Variants in MYBPC3 observed in about 807,000 individuals in gnomAD.
The protein encoded by MYBPC3 is myosin-binding protein C, cardiac-type.
A neutral mutation model predicts 159.3 loss-of-function variants in MYBPC3; 108 were observed. The ratio of observed to expected loss-of-function variants is 0.68; its 90% CI spans 0.58 to 0.80. The LOEUF (loss-of-function observed/expected upper bound fraction) is 0.80. Ranked by LOEUF, MYBPC3 falls within the 30% of genes least tolerant of loss-of-function variation. MYBPC3 has a pLI of 0.00. For missense variants in MYBPC3, 1,631 were observed against 1,762.1 expected, an observed-to-expected ratio of 0.93 and a Z score of 1.33; for synonymous variants, 730 against 702.0, an observed-to-expected ratio of 1.04 and a Z score of -0.63.
At chr11:47,341,451 A>G (rs994091638) in intron 18 of MYBPC3, among the ~76,000 whole-genome samples, 7 of 152,126 alleles carry the variant, frequency 4.6e-5, no homozygotes, top group Admixed American at 2.6e-4. Flanking sequence ...AGTGATTTCT[A>G]CATCAAAGCA....
At position 47,346,265 on chromosome 11, in the gene MYBPC3, G is replaced by A. The variant is rs1351784136; in HGVS notation, c.1032C>T (p.Asp344=). ...TGAGCCTCTTTAGCATGCCGCGCAG[G>A]TCAGTGACGCCGTACTGGAAGGCGA... The part of the protein sequence containing the change: ...ERIAFQYGVT[D]LRGMLKRLKG... Residue 344 remains aspartate, a synonymous_variant, in exon 12 of 35, where the codon GAC becomes GAT. Transcript: ENST00000545968. The surrounding 1 kb of genome is among the most constrained non-coding windows in gnomAD (Gnocchi z 5.3). 1 of 1,613,860 alleles carries A rather than the reference G, an allele frequency of 6.2e-7. No individual in the cohort carries two copies. The highest frequency in any genetic ancestry group is 1.1e-5 in the South Asian group (1 of 91,068).
In MYBPC3 at chr11:47,340,987, G is replaced by A. The variant is rs1057521019; in HGVS notation, c.1927+16C>T. 6.4e-7 allele frequency: 1 copy of A among 1,551,948 alleles called. No homozygotes were observed. Among genetic ancestry groups the A allele is most frequent in the Non-Finnish European group, 8.7e-7 (1 of 1,150,412 alleles). ...GAAAGTGAGCAGAACCAAGACTCAG[G>A]GGCCCCAAGACTTACCCTGCCTGGG... On this transcript the variant is annotated intron_variant, in intron 20 of 34. Transcript: ENST00000545968.
In MYBPC3 at chr11:47,333,315, T is replaced by C. The variant is rs1595841598; in HGVS notation, c.3209A>G (p.Gln1070Arg). The C allele has an allele frequency of 2.5e-6, 4 of 1,583,908 alleles. No individual in the cohort carries two copies. Among genetic ancestry groups the C allele is most frequent in the South Asian group, 1.1e-5 (1 of 87,114 alleles). Residue 1070 changes from glutamine (Q) to arginine (R), a missense_variant, in exon 30 of 35, where the codon CAG (glutamine) becomes CGG (arginine). Physicochemically the swap from Gln to Arg is conservative, Grantham distance 43. Transcript: ENST00000545968. The part of the protein sequence containing the change: ...LQVVDKPSPP[Q>R]DLRVTDAWGL... Reference sequence around the variant, plus strand: ...CCAGGCGTCAGTCACCCGGAGATCCTGGGGAGGACTTGGCTTGTCTGCGGG... The same window carrying C: ...CCAGGCGTCAGTCACCCGGAGATCCCGGGGAGGACTTGGCTTGTCTGCGGG...
Position 47,346,743 on chromosome 11 carries a change from C to G in MYBPC3, c.909-99G>C. 2 of 1,324,070 alleles carry G rather than the reference C, an allele frequency of 1.5e-6. No homozygotes were observed. The allele number at this position is 1,324,070 out of a possible 1,614,324, so 82.0% of individuals were successfully genotyped here. ...GGACCCCACCCATGGGCCTTTACTT[C>G]CTCCCTATTTTCCGCACTTGCACTC... On this transcript the variant is annotated intron_variant, in intron 10 of 34. Coordinates refer to ENST00000545968, the MANE Select transcript of MYBPC3 (RefSeq NM_000256.3). The surrounding 1 kb of genome is among the most constrained non-coding windows in gnomAD (Gnocchi z 5.3).
chr11:47,337,360 CG>C, intron 25 of MYBPC3, 30 bp downstream of exon 25: 3 of 1,455,236 alleles, frequency 2.1e-6, no homozygotes, highest in South Asian at 2.5e-5. Flanking sequence ...GGGGAGGGGG[CG>C]GGGGGCAGGA....
chr11:47,342,943 G>C lies in MYBPC3; in HGVS notation c.1352-8C>G. On this transcript the variant is annotated splice_region_variant and splice_polypyrimidine_tract_variant and intron_variant, in intron 15 of 34. Coordinates refer to ENST00000545968, the MANE Select transcript of MYBPC3 (RefSeq NM_000256.3). The stretch of plus-strand genomic sequence containing the variant: ...TGATGAGCACAGGGGGCTCTGTCCA[G>C]GCAGGGTGAGCATGAGGGTTGGCTC... 1 of 1,611,314 alleles carries C rather than the reference G, an allele frequency of 6.2e-7. No homozygotes were observed. The highest frequency in any genetic ancestry group is 1.1e-5 in the South Asian group (1 of 90,638).
rs371301665 is a variant in MYBPC3 at position 47,333,227 on chromosome 11, C to A, written c.3297G>T (p.Gly1099=). The part of the protein sequence containing the change: ...PQDVGNTELW[G]YTVQKADKKT... ...TCTTGTCGGCTTTCTGCACTGTGTA[C>A]CCCCAGAGCTCCGTGTTGCCGACAT... The change falls in exon 30 of 35, where the codon GGG becomes GGT. Residue 1099 remains glycine, a synonymous_variant. Transcript: ENST00000545968. 1.3e-6 allele frequency: 2 copies of A among 1,596,500 alleles called. No individual in the cohort carries two copies. The highest frequency in any genetic ancestry group is 8.5e-7 in the Non-Finnish European group (1 of 1,171,280).
At position 47,339,745 on chromosome 11, in the gene MYBPC3, G is replaced by A. The variant is rs766213616; in HGVS notation, c.1973C>T (p.Thr658Ile). The change falls in exon 21 of 35, where the codon ACC (threonine) becomes ATC (isoleucine). Residue 658 changes from threonine (T) to isoleucine (I), a missense_variant. Thr to Ile is a moderately conservative substitution (Grantham distance 89). Transcript: ENST00000545968. ...CTTATTTCCAGCTACAACCACAATG[G>A]TGTCTGGTATGCGGCCTGGGCAGTC... ...HLDCPGRIPDTIVVVAGNKLR... is the reference protein window; with the variant it reads ...HLDCPGRIPDIIVVVAGNKLR... 2 of 1,613,958 alleles carry A rather than the reference G, an allele frequency of 1.2e-6. No homozygotes were observed. Among genetic ancestry groups the A allele is most frequent in the Non-Finnish European group, 1.7e-6 (2 of 1,179,830 alleles).
At chr11:47,339,935 G>T in intron 20 of MYBPC3, 145 bp from the exon 21 acceptor site, 3 of 838,820 alleles carry the variant, frequency 3.6e-6, no homozygotes, top group Non-Finnish European at 5.4e-6. Context: ...AGATCTGACA[G>T]TAGGCTGAGT....
chr11:47,339,596 C>T, intron 21 of MYBPC3, 55 bp downstream of exon 21: 2 of 1,519,502 alleles, frequency 1.3e-6, no homozygotes, highest in Non-Finnish European at 1.8e-6. Flanking sequence ...TAGCACTTGG[C>T]TGGTTCCACA....
Position 47,347,848 on chromosome 11 carries a change from G to T in MYBPC3, c.821+9C>A. On this transcript the variant is annotated intron_variant, in intron 7 of 34. Transcript: ENST00000545968. ...TGGCCTCCCCCAGGCCCTGAGGATG[G>T]CCACTCACGTGCGGCGGAAGGCTGA... The T allele has an allele frequency of 6.4e-7, 1 of 1,562,414 alleles. No homozygotes were observed. Among genetic ancestry groups the T allele is most frequent in the South Asian group, 1.2e-5 (1 of 84,596 alleles).
intron 5 of MYBPC3, among the ~76,000 whole-genome samples, chr11:47,349,566 C>T (rs1239394942): frequency 6.6e-6 from 1 of 152,090 alleles, no homozygotes; most frequent in African/African-American, 2.4e-5. Flanking sequence ...ACAGTGCTCC[C>T]ATGAGCCTCA....
intron 20 of MYBPC3, among the ~76,000 whole-genome samples, chr11:47,340,042 AG>A (rs1595845029): frequency 6.6e-6 from 1 of 152,138 alleles, no homozygotes; most frequent in Admixed American, 6.5e-5. Context: ...TGTAATATTC[AG>A]GTCAGGTCAC....
rs11570083 is a variant in MYBPC3, at chr11:47,341,674, GTCCGTGTCTC to G, written c.1790+307_1790+316del. ...AGGGTGCTGGGGAGCGCTCGACCCC[GTCCGTGTCTC>G]TCCCTGCTGCCTCTTTGTCTCTGTC... On this transcript the variant is annotated intron_variant, in intron 18 of 34. Coordinates refer to ENST00000545968, the MANE Select transcript of MYBPC3 (RefSeq NM_000256.3). Among the ~76,000 whole-genome samples, 1,089 of 152,276 alleles carry G rather than the reference GTCCGTGTCTC, an allele frequency of 7.2e-3. 16 individuals are homozygous for G. The highest frequency in any genetic ancestry group is 0.024 in the African/African-American group (1,011 of 41,550).
chr11:47,334,124 C>A, intron 27 of MYBPC3, 114 bp from the exon 28 acceptor site: 1 of 980,812 alleles, frequency 1.0e-6, no homozygotes, highest in South Asian at 1.6e-5. Flanking sequence ...AAAAAAGCTG[C>A]CTGCTGGGCC....
At chr11:47,335,364 G>A (rs1194503549) in intron 26 of MYBPC3, among the ~76,000 whole-genome samples, 155 bp from the exon 27 acceptor site, 1 of 152,148 alleles carries the variant, frequency 6.6e-6, no homozygotes. Flanking sequence ...TTTCGCTCTT[G>A]TCTCCCAGGC....
Position 47,342,904 on chromosome 11 carries a change from C to A in MYBPC3, c.1383G>T (p.Glu461Asp). 6.2e-7 allele frequency: 1 copy of A among 1,612,556 alleles called. No individual in the cohort carries two copies. Among genetic ancestry groups the A allele is most frequent in the South Asian group, 1.1e-5 (1 of 90,832 alleles). ...GCTGCCCCACCATCACCAGCTGGTC[C>A]TCCAAGGGGCGCGTGATGAGCACAG... ...EPPVLITRPL[E>D]DQLVMVGQRV... The change falls in exon 16 of 35, where the codon GAG becomes GAT. Residue 461 changes from glutamate (E) to aspartate (D), a missense_variant. Transcript: ENST00000545968.
At chr11:47,334,499 T>C (rs1371786385) in intron 27 of MYBPC3, among the ~76,000 whole-genome samples, 1 of 152,138 alleles carries the variant, frequency 6.6e-6, no homozygotes, top group African/African-American at 2.4e-5. Flanking sequence ...GCTTGGGTAC[T>C]GTGGCTTTTA....
At chr11:47,336,797 T>C (rs1168130501) in intron 25 of MYBPC3, among the ~76,000 whole-genome samples, 1 of 152,172 alleles carries the variant, frequency 6.6e-6, no homozygotes, top group Non-Finnish European at 1.5e-5. Context: ...TTCTGCCCAC[T>C]CAGACCCCAT....
Sources: allele counts gnomAD v4.1 joint callset (sites outside exome capture counted in the v4.1 genomes callset), GRCh38; gene constraint gnomAD v4.1.1; non-coding constraint Gnocchi (gnomAD v3.1); transcripts MANE v1.5; gene names NCBI Gene and HGNC (gene_info 2026-07-23, HGNC 2026-07-21).